PDE10A: variants seen among roughly 807,000 people sequenced by gnomAD.
PDE10A encodes the protein phosphodiesterase 10A, also known as cAMP and cAMP-inhibited cGMP 3',5'-cyclic phosphodiesterase 10A.
A neutral mutation model predicts 97.7 loss-of-function variants in PDE10A; 39 were observed. The observed-to-expected ratio is 0.40, with a 90% confidence interval of 0.31 to 0.52. The LOEUF (loss-of-function observed/expected upper bound fraction) is 0.52, where lower values mean the gene tolerates loss of function less well. Ranked by LOEUF, PDE10A falls within the 20% of genes least tolerant of loss-of-function variation. The pLI is 0.56. For synonymous variants in PDE10A, 371 were observed against 376.8 expected (o/e 0.98, Z 0.18); for missense variants, 731 against 1,047.8 (o/e 0.70, Z 4.17).
chr6:165,739,421 A>G (rs1343387059), intron 1 of PDE10A, among the ~76,000 whole-genome samples: 1 of 152,236 alleles, frequency 6.6e-6, no homozygotes, highest in Non-Finnish European at 1.5e-5. Flanking sequence ...GGTGTCAGGA[A>G]AGCTGGATAT....
At chr6:165,959,893 G>A (rs1784305975) in intron 1 of PDE10A, among the ~76,000 whole-genome samples, 1 of 152,070 alleles carries the variant, frequency 6.6e-6, no homozygotes, top group East Asian at 1.9e-4. Context: ...ACTTCCACTG[G>A]AACCAATGAG....
intron 18 of PDE10A, among the ~76,000 whole-genome samples, chr6:165,349,166 A>C (rs1026334787): frequency 6.6e-6 from 1 of 152,170 alleles, no homozygotes; most frequent in Non-Finnish European, 1.5e-5. Flanking sequence ...AGGCAGGAAA[A>C]TATGGGAAAG....
chr6:165,915,768 G>C (rs909674040), intron 1 of PDE10A, among the ~76,000 whole-genome samples: 1 of 152,198 alleles, frequency 6.6e-6, no homozygotes, highest in Non-Finnish European at 1.5e-5. Flanking sequence ...CAAAATCATG[G>C]CCATGTATGT....
rs1435388628 is a variant in PDE10A, at chr6:165,671,741, ATG to A, written c.-614-128175_-614-128174del. ...ATATAGTGTGCTTTATATCATATAT[ATG>A]TGTGTGTTTACATATATACAGTGTG... is the stretch of plus-strand genomic sequence containing the variant. On this transcript the variant is annotated intron_variant, in intron 1 of 19. Coordinates refer to the PDE10A transcript ENST00000366882. This position sits in a 1 kb window ranked among gnomAD's most constrained non-coding sequence, Gnocchi z 4.6. Among the ~76,000 whole-genome samples the A allele has an allele frequency of 1.1e-4, 16 of 152,124 alleles. No homozygotes were observed. The highest frequency in any genetic ancestry group is 2.9e-5 in the Non-Finnish European group (2 of 68,024).
At chr6:165,509,166 T>C (rs1438774349) in intron 2 of PDE10A, among the ~76,000 whole-genome samples, 1 of 152,082 alleles carries the variant, frequency 6.6e-6, no homozygotes, top group East Asian at 1.9e-4. Flanking sequence ...TCAATATTTA[T>C]GAGGTATATA....
At chr6:165,373,022 C>T (rs1317400987) in intron 18 of PDE10A, among the ~76,000 whole-genome samples, 2 of 144,442 alleles carry the variant, frequency 1.4e-5, no homozygotes, top group Non-Finnish European at 3.0e-5. Flanking sequence ...AACTGGCTAG[C>T]CATATGTAGA....
chr6:165,605,977 T>C lies in PDE10A; in HGVS notation c.865+55970A>G, dbSNP rs368721907. Among the ~76,000 whole-genome samples the C allele has an allele frequency of 1.6e-3, 236 of 152,184 alleles. 1 individual carries two copies. Among genetic ancestry groups the C allele is most frequent in the Non-Finnish European group, 1.7e-3 (115 of 68,024 alleles). On this transcript the variant is annotated intron_variant, in intron 1 of 21. Coordinates refer to ENST00000539869, the MANE Select transcript of PDE10A (RefSeq NM_001385079.1). ...TCCCTATAATATCCTTATTTTCTCA[T>C]GGACAGGGATTATTTCTGATTCATC... is the stretch of plus-strand genomic sequence containing the variant.
intron 4 of PDE10A, among the ~76,000 whole-genome samples, chr6:165,449,555 C>G (rs1791135901): frequency 6.6e-6 from 1 of 152,092 alleles, no homozygotes; most frequent in Admixed American, 6.6e-5. Context: ...TGTTTAACCT[C>G]TCTGTTCTAT....
chr6:165,918,515 A>G lies in PDE10A; in HGVS notation c.-615+69014T>C, dbSNP rs558859924. Among the ~76,000 whole-genome samples, 6 of 152,376 alleles carry G rather than the reference A, an allele frequency of 3.9e-5. No individual in the cohort carries two copies. The South Asian group carries it at 1.0e-3, about 26-fold the overall frequency. ...CAAACAATAATTATTTAAGCAGCCA[A>G]TCGTTCAACTGAGATTTACAACTAT... On this transcript the variant is annotated intron_variant, in intron 1 of 19. Transcript: ENST00000366882.
chr6:165,414,126 A>G lies in PDE10A; in HGVS notation c.1890-439T>C, dbSNP rs180874394. On this transcript the variant is annotated intron_variant, in intron 12 of 21. Transcript: ENST00000539869. ...TGTTTCCACTTTAAAAACTTAGAGC[A>G]GTGGTCAGCAAACCGCACCCAGGGG... Among the ~76,000 whole-genome samples, 230 of 152,342 alleles carry G rather than the reference A, an allele frequency of 1.5e-3. 2 individuals carry two copies. Among genetic ancestry groups the G allele is most frequent in the Non-Finnish European group, 2.6e-3 (180 of 68,034 alleles).
At chr6:165,374,115 G>T (rs1378931482) in intron 18 of PDE10A, among the ~76,000 whole-genome samples, 1 of 147,882 alleles carries the variant, frequency 6.8e-6, no homozygotes, top group East Asian at 2.1e-4. Flanking sequence ...AGCATTAGGA[G>T]ATATACCTAA....
At chr6:165,596,213 A>T (rs1246078719) in intron 1 of PDE10A, among the ~76,000 whole-genome samples, 1 of 152,130 alleles carries the variant, frequency 6.6e-6, no homozygotes, top group Non-Finnish European at 1.5e-5. Context: ...ATCCATCAGG[A>T]AATACTGTTG....
intron 1 of PDE10A, among the ~76,000 whole-genome samples, chr6:165,804,502 G>C (rs1779063132): frequency 6.6e-6 from 1 of 152,134 alleles, no homozygotes; most frequent in African/African-American, 2.4e-5. Flanking sequence ...CCAATTAGAA[G>C]GTGAATCAAA....
intron 1 of PDE10A, among the ~76,000 whole-genome samples, chr6:165,917,786 C>G (rs914531627): frequency 2.6e-5 from 4 of 152,204 alleles, no homozygotes; most frequent in African/African-American, 9.6e-5. Flanking sequence ...ATCCTGCAGG[C>G]CCAGCTTAGG....
intron 1 of PDE10A, among the ~76,000 whole-genome samples, chr6:165,583,285 C>A (rs1313053196): frequency 6.6e-6 from 1 of 152,206 alleles, no homozygotes; most frequent in South Asian, 2.1e-4. Context: ...ATTAGTGTGC[C>A]TAAAGATCCT....
At chr6:165,341,383 A>G (rs1014056681) in intron 19 of PDE10A, among the ~76,000 whole-genome samples, 1 of 152,226 alleles carries the variant, frequency 6.6e-6, no homozygotes, top group Non-Finnish European at 1.5e-5. Context: ...TTAAGTTGTC[A>G]TTTAATGACT....
At chr6:165,417,973 G>C (rs1788439238) in intron 11 of PDE10A, among the ~76,000 whole-genome samples, 1 of 152,218 alleles carries the variant, frequency 6.6e-6, no homozygotes, top group Non-Finnish European at 1.5e-5. Flanking sequence ...CTCAGCTTCT[G>C]AATGTTAAGC....
intron 1 of PDE10A, among the ~76,000 whole-genome samples, chr6:165,649,861 T>A (rs562005495): frequency 6.6e-6 from 1 of 152,220 alleles, no homozygotes; most frequent in Non-Finnish European, 1.5e-5. Flanking sequence ...TGAAACTGGC[T>A]GGGCAGCTCT....
At chr6:165,961,029 A>G (rs1385927303) in intron 1 of PDE10A, among the ~76,000 whole-genome samples, 1 of 144,168 alleles carries the variant, frequency 6.9e-6, no homozygotes, top group Non-Finnish European at 1.5e-5. Flanking sequence ...GGGTCAGGCC[A>G]TGTTCAGCTC....
Sources: allele counts gnomAD v4.1 joint callset (sites outside exome capture counted in the v4.1 genomes callset), GRCh38; gene constraint gnomAD v4.1.1; non-coding constraint Gnocchi (gnomAD v3.1); transcripts MANE v1.5; gene names NCBI Gene and HGNC (gene_info 2026-07-23, HGNC 2026-07-21).